Variants in RPRD2 observed in about 807,000 individuals in gnomAD.
RPRD2 encodes regulation of nuclear pre-mRNA domain containing 2.
Under a neutral mutation model 104.4 loss-of-function variants are expected in RPRD2, and 12 were observed. The observed-to-expected ratio is 0.11, with a 90% confidence interval of 0.07 to 0.19. The LOEUF is 0.19. Among genes scored for constraint, RPRD2 ranks in the 10% least tolerant of loss-of-function variants. The pLI, the probability that RPRD2 is intolerant of heterozygous loss-of-function variation, is 1.00. For synonymous variants in RPRD2, 714 were observed against 684.9 expected (o/e 1.04, Z -0.66); for missense variants, 1,543 against 1,790.1 (o/e 0.86, Z 2.49).
At chr1:150,446,481 T>A in intron 7 of RPRD2, 80 bp downstream of exon 7, 2 of 1,184,936 alleles carry the variant, frequency 1.7e-6, no homozygotes, top group Non-Finnish European at 2.4e-6. Context: ...TATCTAACTC[T>A]GTTAGGATAT....
At chr1:150,446,077 AAAAAAG>A in intron 6 of RPRD2, 143 bp from the exon 7 acceptor site, 1 of 519,112 alleles carries the variant, frequency 1.9e-6, no homozygotes, top group Non-Finnish European at 3.2e-6. Flanking sequence ...CAAAAAAAAA[AAAAAAG>A]AAAGAAACTA....
At chr1:150,401,712 C>T (rs587767643) in intron 1 of RPRD2, among the ~76,000 whole-genome samples, 3 of 150,840 alleles carry the variant, frequency 2.0e-5, no homozygotes, top group Admixed American at 6.6e-5. Flanking sequence ...GGCGCAATCT[C>T]GGCTCACTGC....
chr1:150,470,714 G>C lies in RPRD2; in HGVS notation c.1766G>C (p.Ser589Thr). The change falls in exon 11 of 11, where the codon AGC becomes ACC. Residue 589 changes from serine (S) to threonine (T), a missense_variant. Ser to Thr is a moderately conservative substitution (Grantham distance 58). Coordinates refer to ENST00000369068, the MANE Select transcript of RPRD2 (RefSeq NM_015203.5). ...PSSAQPFIPK[S>T]FNYSPNSSTS... ...AGTGCCCAACCTTTTATTCCCAAAA[G>C]CTTCAACTATTCTCCTAACTCATCA... The C allele has an allele frequency of 6.2e-7, 1 of 1,614,010 alleles. No individual in the cohort carries two copies. The highest frequency in any genetic ancestry group is 8.5e-7 in the Non-Finnish European group (1 of 1,179,882).
chr1:150,460,395 G>A, intron 9 of RPRD2, 78 bp downstream of exon 9: 2 of 337,688 alleles, frequency 5.9e-6, no homozygotes, highest in Admixed American at 7.5e-5. Context: ...TTTTGGGGGG[G>A]TTGTTGTTGT....
At chr1:150,387,978 G>A (rs1553882282) in intron 1 of RPRD2, among the ~76,000 whole-genome samples, 1 of 139,826 alleles carries the variant, frequency 7.2e-6, no homozygotes, top group African/African-American at 2.8e-5. Flanking sequence ...GTGCAGTGGT[G>A]TGATCTCAGC....
intron 1 of RPRD2, among the ~76,000 whole-genome samples, chr1:150,385,823 A>C (rs116243601): frequency 0.02 from 3,073 of 152,298 alleles, 133 homozygotes; most frequent in African/African-American, 0.071. Context: ...AAGATGCCCT[A>C]ATAGAAATCT....
chr1:150,471,018 A>C lies in RPRD2; in HGVS notation c.2070A>C (p.Pro690=). The change falls in exon 11 of 11, where the codon CCA becomes CCC. Residue 690 remains proline, a synonymous_variant. Transcript: ENST00000369068. This position sits in a 1 kb window ranked among gnomAD's most constrained non-coding sequence, Gnocchi z 5.3. ...PGFSGLNLNI[P]ILSSLGSSAP... ...TCAGTGGCTTAAACTTAAACATCCC[A>C]ATCCTGAGCAGTTTGGGGTCCAGCG... The C allele has an allele frequency of 6.2e-7, 1 of 1,613,992 alleles. No homozygotes were observed. The highest frequency in any genetic ancestry group is 2.2e-5 in the East Asian group (1 of 44,874).
intron 2 of RPRD2, among the ~76,000 whole-genome samples, chr1:150,439,238 C>A (rs1307911923): frequency 6.6e-6 from 1 of 152,212 alleles, no homozygotes; most frequent in Non-Finnish European, 1.5e-5. Flanking sequence ...GCATTACTAT[C>A]TTACAGTCTT....
chr1:150,419,110 T>A (rs782504027), intron 2 of RPRD2, among the ~76,000 whole-genome samples: 29 of 152,240 alleles, frequency 1.9e-4, no homozygotes, highest in Non-Finnish European at 3.5e-4. Flanking sequence ...GGGAGAATTC[T>A]GGTGTATATA....
At chr1:150,372,223 T>C (rs1374509552) in intron 1 of RPRD2, among the ~76,000 whole-genome samples, 4 of 152,174 alleles carry the variant, frequency 2.6e-5, no homozygotes, top group Admixed American at 6.5e-5. Context: ...ATCCCTAGTT[T>C]CCATTCAGTT....
At chr1:150,442,017 A>G (rs1466257470) in intron 4 of RPRD2, 59 bp downstream of exon 4, 2 of 1,331,802 alleles carry the variant, frequency 1.5e-6, no homozygotes, top group African/African-American at 2.9e-5. Context: ...GCAGAAGAAA[A>G]TGTAGACCAT....
intron 8 of RPRD2, 52 bp downstream of exon 8, chr1:150,457,622 C>T: frequency 6.7e-7 from 1 of 1,487,816 alleles, no homozygotes; most frequent in Non-Finnish European, 9.3e-7. Context: ...GTTTTGCCTT[C>T]TCAGCAATGA....
chr1:150,438,959 C>T (rs1215552289), intron 2 of RPRD2, among the ~76,000 whole-genome samples: 5 of 152,034 alleles, frequency 3.3e-5, no homozygotes, highest in African/African-American at 9.7e-5. Context: ...CTCAGCGTCC[C>T]GAGTAGCTGG....
chr1:150,462,581 T>C (rs1355276628), intron 9 of RPRD2, among the ~76,000 whole-genome samples: 4 of 152,098 alleles, frequency 2.6e-5, no homozygotes, highest in African/African-American at 9.7e-5. Context: ...TTTGAGACAG[T>C]CTCACTCTGT....
At chr1:150,442,044 C>A in intron 4 of RPRD2, 86 bp downstream of exon 4, 7 of 995,646 alleles carry the variant, frequency 7.0e-6, no homozygotes, top group Non-Finnish European at 7.4e-6. Context: ...TCGTACCTGG[C>A]ATAAACCATG....
intron 7 of RPRD2, among the ~76,000 whole-genome samples, chr1:150,455,353 T>C (rs1553897342): frequency 6.6e-6 from 1 of 151,834 alleles, no homozygotes; most frequent in African/African-American, 2.4e-5. Flanking sequence ...AATACAAAAA[T>C]TAGCCAGGTG....
intron 7 of RPRD2, among the ~76,000 whole-genome samples, chr1:150,450,317 A>T (rs1412187631): frequency 1.3e-5 from 2 of 151,900 alleles, no homozygotes; most frequent in African/African-American, 2.4e-5. Flanking sequence ...GTATGTATTT[A>T]TTTATTTAGC....
At chr1:150,380,109 A>G (rs1226282688) in intron 1 of RPRD2, among the ~76,000 whole-genome samples, 1 of 152,226 alleles carries the variant, frequency 6.6e-6, no homozygotes, top group Non-Finnish European at 1.5e-5. Context: ...CCAAAAATGG[A>G]CATAAAAATA....
intron 2 of RPRD2, among the ~76,000 whole-genome samples, chr1:150,438,023 C>T (rs1666131251): frequency 6.7e-6 from 1 of 150,224 alleles, no homozygotes; most frequent in Non-Finnish European, 1.5e-5. Flanking sequence ...GTGGCTCACG[C>T]CTGTAACCCC....
Sources: allele counts gnomAD v4.1 joint callset (sites outside exome capture counted in the v4.1 genomes callset), GRCh38; gene constraint gnomAD v4.1.1; non-coding constraint Gnocchi (gnomAD v3.1); transcripts MANE v1.5; gene names NCBI Gene and HGNC (gene_info 2026-07-23, HGNC 2026-07-21).